Variants in SPAG16 observed in about 807,000 individuals in gnomAD.
The protein encoded by SPAG16 is sperm-associated antigen 16 protein.
A neutral mutation model predicts 80.4 loss-of-function variants in SPAG16; 86 were observed. The observed-to-expected ratio is 1.07, with a 90% CI of 0.90 to 1.28. The LOEUF is 1.28. SPAG16 is among the 50% of genes most tolerant of loss of function. The probability of loss-of-function intolerance (pLI) is 0.00; values close to 1 mark genes in which losing one functional copy is unlikely to be tolerated. For missense variants in SPAG16, 870 were observed against 765.3 expected (o/e 1.14, Z -1.61); for synonymous variants, 294 against 265.9 (o/e 1.11, Z -1.03).
intron 10 of SPAG16, among the ~76,000 whole-genome samples, chr2:213,500,510 C>T (rs961514904): frequency 4.6e-5 from 7 of 152,198 alleles, no homozygotes; most frequent in Non-Finnish European, 1.5e-5. Context: ...TTTCTTCACG[C>T]ATTCAATGGT....
At chr2:213,908,513 A>T (rs1320366106) in intron 11 of SPAG16, among the ~76,000 whole-genome samples, 1 of 152,140 alleles carries the variant, frequency 6.6e-6, no homozygotes, top group Non-Finnish European at 1.5e-5. Context: ...ATCTCACTGA[A>T]CTTCTTTAAA....
intron 15 of SPAG16, among the ~76,000 whole-genome samples, chr2:214,312,567 C>T (rs970345934): frequency 6.6e-6 from 1 of 152,134 alleles, no homozygotes; most frequent in Non-Finnish European, 1.5e-5. Flanking sequence ...TAAATGCTCA[C>T]TTCTCACAAA....
intron 6 of SPAG16, among the ~76,000 whole-genome samples, chr2:213,344,740 T>C (rs1262756073): frequency 6.6e-6 from 1 of 152,168 alleles, no homozygotes; most frequent in Non-Finnish European, 1.5e-5. Flanking sequence ...TAGTATTCCA[T>C]GGTGTATATG....
chr2:213,643,554 A>G (rs2062704423), intron 10 of SPAG16, among the ~76,000 whole-genome samples: 1 of 148,680 alleles, frequency 6.7e-6, no homozygotes, highest in African/African-American at 2.5e-5. Flanking sequence ...ATTTTTCTCT[A>G]TGTATAGAAA....
At chr2:214,150,263 A>C (rs1334260063) in intron 15 of SPAG16, among the ~76,000 whole-genome samples, 2 of 152,112 alleles carry the variant, frequency 1.3e-5, no homozygotes, top group African/African-American at 4.8e-5. Flanking sequence ...TAATATTGCC[A>C]TCACATATCT....
intron 11 of SPAG16, among the ~76,000 whole-genome samples, chr2:213,881,381 T>A (rs939410476): frequency 3.9e-5 from 6 of 152,216 alleles, no homozygotes; most frequent in African/African-American, 1.4e-4. Flanking sequence ...GTCTTCAGAT[T>A]TTCCTATATG....
chr2:213,365,998 T>C (rs370864644), intron 8 of SPAG16, among the ~76,000 whole-genome samples: 1,596 of 148,610 alleles, frequency 0.011, 15 homozygotes, highest in South Asian at 0.022. Context: ...AAAAATTAGC[T>C]GGGCGTAGTG....
chr2:213,540,976 T>G (rs1454629237), intron 10 of SPAG16, among the ~76,000 whole-genome samples: 1 of 152,274 alleles, frequency 6.6e-6, no homozygotes, highest in Non-Finnish European at 1.5e-5. Flanking sequence ...TGTGTGCGTG[T>G]GCACGCAGGT....
At chr2:214,148,097 T>C (rs2055753094) in intron 14 of SPAG16, among the ~76,000 whole-genome samples, 1 of 152,168 alleles carries the variant, frequency 6.6e-6, no homozygotes, top group Non-Finnish European at 1.5e-5. Context: ...AAACAGTATA[T>C]TGATGTTTTA....
At chr2:214,276,211 T>C (rs1009618464) in intron 15 of SPAG16, among the ~76,000 whole-genome samples, 2 of 152,238 alleles carry the variant, frequency 1.3e-5, no homozygotes, top group African/African-American at 4.8e-5. Context: ...ATGGGTCTCC[T>C]GAATACAGCA....
chr2:213,995,165 A>G (rs1162355491), intron 12 of SPAG16, among the ~76,000 whole-genome samples: 1 of 152,212 alleles, frequency 6.6e-6, no homozygotes, highest in Non-Finnish European at 1.5e-5. Context: ...TGACATAAGA[A>G]TGATGAGGTG....
intron 15 of SPAG16, among the ~76,000 whole-genome samples, chr2:214,217,983 T>G (rs534737731): frequency 9.2e-5 from 14 of 152,338 alleles, no homozygotes; most frequent in African/African-American, 2.9e-4. Flanking sequence ...CTTTTGACAC[T>G]GACTATATTT....
chr2:213,652,192 A>G (rs565858591), intron 10 of SPAG16, among the ~76,000 whole-genome samples: 1 of 152,312 alleles, frequency 6.6e-6, no homozygotes, highest in Admixed American at 6.5e-5. Context: ...TGTGTAAAAT[A>G]GTCTAGGATT....
chr2:213,631,034 A>T (rs1427403184), intron 10 of SPAG16, among the ~76,000 whole-genome samples: 3 of 152,162 alleles, frequency 2.0e-5, no homozygotes, highest in Non-Finnish European at 4.4e-5. Context: ...AAACGATCTG[A>T]TGGTGCCGAC....
intron 10 of SPAG16, among the ~76,000 whole-genome samples, chr2:213,503,827 C>T (rs1460412803): frequency 6.6e-6 from 1 of 152,236 alleles, no homozygotes; most frequent in East Asian, 1.9e-4. Context: ...CCAGGTTCAG[C>T]TCCTCACCAC....
At chr2:213,769,848 C>T (rs750965280) in intron 10 of SPAG16, among the ~76,000 whole-genome samples, 7 of 151,962 alleles carry the variant, frequency 4.6e-5, no homozygotes, top group Non-Finnish European at 5.9e-5. Flanking sequence ...ATTCATATAC[C>T]CATCAAACCC....
chr2:214,394,173 TTC>T (rs1701233862), intron 15 of SPAG16, among the ~76,000 whole-genome samples: 2 of 152,192 alleles, frequency 1.3e-5, no homozygotes, highest in African/African-American at 4.8e-5. Context: ...CTGTCTCTAT[TTC>T]TCTCTCTGTG....
At chr2:213,419,001 T>C (rs2069431059) in intron 9 of SPAG16, among the ~76,000 whole-genome samples, 1 of 123,056 alleles carries the variant, frequency 8.1e-6, no homozygotes. Flanking sequence ...TCTAAAAGCC[T>C]GTTTCCTAAT....
intron 13 of SPAG16, among the ~76,000 whole-genome samples, chr2:214,060,983 C>T (rs1196602417): frequency 6.6e-6 from 1 of 152,042 alleles, no homozygotes; most frequent in Admixed American, 6.6e-5. Flanking sequence ...TAGGGAAGTC[C>T]CATAAGGAGT....
Sources: gnomAD v4.1 joint callset for allele counts (sites outside exome capture counted in the v4.1 genomes callset) on GRCh38, gnomAD v4.1.1 for gene constraint, MANE v1.5 for transcripts, NCBI Gene and HGNC (gene_info 2026-07-23, HGNC 2026-07-21) for gene names.